Variants in SPTAN1 observed in about 807,000 individuals in gnomAD.
SPTAN1 encodes the protein spectrin alpha, non-erythrocytic 1, also known as spectrin alpha chain, non-erythrocytic 1.
Under a neutral mutation model 331.3 loss-of-function variants are expected in SPTAN1, and 61 were observed. The observed-to-expected ratio is 0.18, with a 90% CI of 0.15 to 0.23. The LOEUF (loss-of-function observed/expected upper bound fraction) is 0.23, where lower values mean the gene tolerates loss of function less well. Among genes scored for constraint, SPTAN1 ranks in the 10% least tolerant of loss-of-function variants. The probability of loss-of-function intolerance (pLI) is 1.00; values close to 1 mark genes in which losing one functional copy is unlikely to be tolerated. For missense variants in SPTAN1, 2,043 were observed against 3,147.9 expected (o/e 0.65, Z 8.40); for synonymous variants, 1,153 against 1,173.9 (o/e 0.98, Z 0.36).
Position 128,633,557 on chromosome 9 carries a change from C to G in SPTAN1, c.*223C>G, listed in dbSNP as rs535902014. 48 of 1,061,038 alleles carry G rather than the reference C, an allele frequency of 4.5e-5. No individual in the cohort carries two copies. Among genetic ancestry groups the G allele is most frequent in the Non-Finnish European group, 6.5e-5 (47 of 723,132 alleles). 65.7% of individuals were successfully genotyped at this position (1,061,038 alleles called of 1,614,324 possible). On this transcript the variant is annotated 3_prime_UTR_variant, in exon 57 of 57. Transcript: ENST00000372739. ...TGTCTTGAAGCAGCTGCCCTCATTC[C>G]GACTTCAGAAAATCGAAGCAGCTGG...
rs533717545 is a variant in SPTAN1 at position 128,568,819 on chromosome 9, C to T, written c.285C>T (p.Asn95=). 11 of 1,614,112 alleles carry T rather than the reference C, an allele frequency of 6.8e-6. No individual in the cohort carries two copies. The highest frequency in any genetic ancestry group is 3.3e-5 in the South Asian group (3 of 91,078). The change falls in exon 3 of 57, where the codon AAC becomes AAT. Residue 95 remains asparagine (N), a synonymous_variant. Coordinates refer to ENST00000372739, the MANE Select transcript of SPTAN1 (RefSeq NM_001130438.3). ...HQAFEAEVQA[N]SGAIVKLDET... ...CATTTGAAGCTGAAGTGCAGGCCAA[C>T]TCAGGAGCCATTGTTAAGCTGGATG...
At chr9:128,593,068 G>T in intron 23 of SPTAN1, 26 bp downstream of exon 23, 1 of 1,601,156 alleles carries the variant, frequency 6.2e-7, no homozygotes, top group South Asian at 1.1e-5. Flanking sequence ...GTCTTGCAGA[G>T]CACCAATGTC....
At position 128,624,324 on chromosome 9, in the gene SPTAN1, C is replaced by T. The variant is rs760722637; in HGVS notation, c.5833-4C>T. 1.9e-6 allele frequency: 3 copies of T among 1,613,840 alleles called. No homozygotes were observed. The highest frequency in any genetic ancestry group is 2.7e-5 in the African/African-American group (2 of 74,982). Reference sequence around the variant, plus strand: ...ACCAGTGTGTGCCTCTCTCCATGGCCTAGAACAATCACCATGAGGAGAACA... The same window carrying T: ...ACCAGTGTGTGCCTCTCTCCATGGCTTAGAACAATCACCATGAGGAGAACA... On this transcript the variant is annotated splice_polypyrimidine_tract_variant and splice_region_variant and intron_variant, in intron 45 of 56. Coordinates refer to ENST00000372739, the MANE Select transcript of SPTAN1 (RefSeq NM_001130438.3).
In SPTAN1 at chr9:128,577,418, C is replaced by A; in HGVS notation, c.997C>A (p.Gln333Lys). ...QSHPLSATQI[Q>K]VKREELITNW... Reference sequence around the variant, plus strand: ...CCACCCTCTGAGTGCAACACAGATTCAAGTGAAGCGAGAGGAACTGATTAC... The same window carrying A: ...CCACCCTCTGAGTGCAACACAGATTAAAGTGAAGCGAGAGGAACTGATTAC... The change falls in exon 8 of 57, where the codon CAA becomes AAA. Residue 333 changes from glutamine (Q) to lysine (K), a missense_variant. Physicochemically the swap from Gln to Lys is moderately conservative, Grantham distance 53. Transcript: ENST00000372739. The surrounding 1 kb of genome is among the most constrained non-coding windows in gnomAD (Gnocchi z 4.2). 2 of 1,614,224 alleles carry A rather than the reference C, an allele frequency of 1.2e-6. No homozygotes were observed. The highest frequency in any genetic ancestry group is 1.7e-6 in the Non-Finnish European group (2 of 1,180,036).
chr9:128,556,492 C>A (rs1024828592), intron 1 of SPTAN1, among the ~76,000 whole-genome samples: 5 of 152,176 alleles, frequency 3.3e-5, no homozygotes, highest in Non-Finnish European at 7.3e-5. Flanking sequence ...CAATAAGGAA[C>A]TTAAATACCT....
chr9:128,628,702 C>T (rs1432731647), intron 51 of SPTAN1: 1 of 168,472 alleles, frequency 5.9e-6, no homozygotes, highest in Admixed American at 5.7e-5. Flanking sequence ...GCTCTGCACC[C>T]AGGCACATCA....
In SPTAN1 at chr9:128,578,143, C is replaced by T. The variant is rs1239261034; in HGVS notation, c.1119C>T (p.Leu373=). ...LQRFLADFRD[L]TSWVTEMKAL... ...GCTTCCTTGCTGACTTCCGTGACCT[C>T]ACCAGCTGGGTGACTGAGATGAAAG... The change falls in exon 9 of 57, where the codon CTC becomes CTT. Residue 373 remains leucine (L), a synonymous_variant. Coordinates refer to ENST00000372739, the MANE Select transcript of SPTAN1 (RefSeq NM_001130438.3). 1 of 1,614,206 alleles carries T rather than the reference C, an allele frequency of 6.2e-7. No individual in the cohort carries two copies. The highest frequency in any genetic ancestry group is 1.1e-5 in the South Asian group (1 of 91,084).
At chr9:128,588,603 G>A (rs1487707699) in intron 20 of SPTAN1, among the ~76,000 whole-genome samples, 1 of 151,984 alleles carries the variant, frequency 6.6e-6, no homozygotes, top group Non-Finnish European at 1.5e-5. Flanking sequence ...GAGCCACCGT[G>A]CCCAGACAAA....
chr9:128,575,171 C>T, intron 4 of SPTAN1, 28 bp from the exon 5 acceptor site: 1 of 1,614,114 alleles, frequency 6.2e-7, no homozygotes. Context: ...TGGTTGGTGA[C>T]TCTGGCTCTC....
At chr9:128,553,652 A>G (rs1249234381) in intron 1 of SPTAN1, among the ~76,000 whole-genome samples, 2 of 152,234 alleles carry the variant, frequency 1.3e-5, no homozygotes, top group Non-Finnish European at 2.9e-5. Context: ...TTTAAATGAA[A>G]AGCCTAAATA....
At chr9:128,608,411 T>A (rs1856167530) in intron 34 of SPTAN1, 135 bp downstream of exon 34, 1 of 1,123,530 alleles carries the variant, frequency 8.9e-7, no homozygotes, top group African/African-American at 1.6e-5. Context: ...AAATAATCTT[T>A]AAAACTTTAT....
At chr9:128,574,158 T>C (rs1306974699) in intron 3 of SPTAN1, among the ~76,000 whole-genome samples, 1 of 152,102 alleles carries the variant, frequency 6.6e-6, no homozygotes, top group Non-Finnish European at 1.5e-5. Context: ...TTTATCTCCA[T>C]GAATTTGGAA....
chr9:128,581,679 C>G, intron 11 of SPTAN1, 103 bp from the exon 12 acceptor site: 2 of 884,230 alleles, frequency 2.3e-6, no homozygotes, highest in Non-Finnish European at 3.8e-6. Context: ...CATAAAATCT[C>G]TTTCCTTCTT....
At chr9:128,610,413 G>T (rs992314514) in intron 37 of SPTAN1, among the ~76,000 whole-genome samples, 1 of 152,174 alleles carries the variant, frequency 6.6e-6, no homozygotes, top group Non-Finnish European at 1.5e-5. Flanking sequence ...TTTCCTTCTT[G>T]GCTTTGGGAT....
intron 19 of SPTAN1, 88 bp from the exon 20 acceptor site, chr9:128,587,518 G>A (rs1318001060): frequency 2.0e-6 from 2 of 1,022,340 alleles, no homozygotes; most frequent in East Asian, 2.4e-5. Flanking sequence ...GAGAAAGGCT[G>A]TTGAGGCAGG....
intron 9 of SPTAN1, 41 bp downstream of exon 9, chr9:128,578,286 G>A: frequency 6.2e-7 from 1 of 1,611,368 alleles, no homozygotes; most frequent in East Asian, 2.2e-5. Flanking sequence ...GAAGATTTTA[G>A]CTTATAATGC....
intron 24 of SPTAN1, among the ~76,000 whole-genome samples, chr9:128,597,637 G>A (rs1166238409): frequency 6.6e-6 from 1 of 151,680 alleles, no homozygotes; most frequent in South Asian, 2.1e-4. Context: ...AGCTTTTTTT[G>A]TTTGTTTTGT....
intron 52 of SPTAN1, 61 bp from the exon 53 acceptor site, chr9:128,632,066 C>T (rs1052599280): frequency 1.4e-5 from 22 of 1,576,292 alleles, no homozygotes; most frequent in Admixed American, 1.8e-5. Context: ...GTAAGTGGCT[C>T]CTGGGCTGGT....
At position 128,623,856 on chromosome 9, in the gene SPTAN1, T is replaced by G. The variant is rs112092840; in HGVS notation, c.5833-472T>G. 7.3e-5 allele frequency among the ~76,000 whole-genome samples: 11 copies of G among 151,102 alleles called. No homozygotes were observed. In the East Asian group the frequency reaches 2.2e-3, roughly 30 times the overall value. ...ATCCCAGCACTTTGGGAAGCCGAGGTGGGCAAATCACCTGAGGTCAGGAGT... is the reference window on the plus strand; with the variant it reads ...ATCCCAGCACTTTGGGAAGCCGAGGGGGGCAAATCACCTGAGGTCAGGAGT... On this transcript the variant is annotated intron_variant, in intron 45 of 56. Transcript: ENST00000372739.
Sources: gnomAD v4.1 joint callset for allele counts (sites outside exome capture counted in the v4.1 genomes callset) on GRCh38, gnomAD v4.1.1 for gene constraint, Gnocchi (gnomAD v3.1) non-coding constraint, MANE v1.5 for transcripts, NCBI Gene and HGNC (gene_info 2026-07-23, HGNC 2026-07-21) for gene names.